Variants in GRIK2 observed in about 807,000 individuals in gnomAD.
The protein encoded by GRIK2 is glutamate receptor ionotropic, kainate 2.
Under a neutral mutation model 100.3 loss-of-function variants are expected in GRIK2, and 32 were observed. That is an observed-to-expected ratio of 0.32 (90% CI 0.24 to 0.43). The LOEUF (loss-of-function observed/expected upper bound fraction) is 0.43. Among genes scored for constraint, GRIK2 ranks in the 20% least tolerant of loss-of-function variants. The pLI is 1.00. For synonymous variants in GRIK2, 417 were observed against 389.4 expected (o/e 1.07, Z -0.83); for missense variants, 843 against 1,114.9 (o/e 0.76, Z 3.47).
chr6:101,586,952 G>T (rs1778404474), intron 2 of GRIK2, among the ~76,000 whole-genome samples: 1 of 149,804 alleles, frequency 6.7e-6, no homozygotes, highest in African/African-American at 2.5e-5. Flanking sequence ...AACCATGTCT[G>T]AGAACCTGAA....
intron 4 of GRIK2, among the ~76,000 whole-genome samples, chr6:101,675,483 A>G (rs982096038): frequency 1.3e-4 from 20 of 152,192 alleles, no homozygotes; most frequent in African/African-American, 4.8e-4. Flanking sequence ...AGATAAGAAG[A>G]AAGAGTAGAA....
intron 8 of GRIK2, among the ~76,000 whole-genome samples, 157 bp downstream of exon 8, chr6:101,799,948 A>G (rs963571483): frequency 2.6e-5 from 4 of 152,166 alleles, no homozygotes; most frequent in Admixed American, 2.6e-4. Context: ...TTTACTAAAT[A>G]ATACCAAATG....
intron 14 of GRIK2, among the ~76,000 whole-genome samples, chr6:102,018,483 C>T (rs536069471): frequency 6.6e-6 from 1 of 152,116 alleles, no homozygotes; most frequent in Admixed American, 6.6e-5. Flanking sequence ...ATAGGTCCTG[C>T]ACCATGACTG....
chr6:101,613,049 T>C (rs192699323), intron 2 of GRIK2, among the ~76,000 whole-genome samples: 2 of 151,914 alleles, frequency 1.3e-5, no homozygotes, highest in East Asian at 3.9e-4. Context: ...GTAGTAGCTA[T>C]AAACTACTGA....
chr6:102,051,437 G>A (rs1350637635), intron 15 of GRIK2, among the ~76,000 whole-genome samples: 1 of 152,084 alleles, frequency 6.6e-6, no homozygotes, highest in Non-Finnish European at 1.5e-5. Context: ...AATTATCAAA[G>A]AAAGTCCCAC....
At chr6:101,634,269 G>A (rs1291806725) in intron 4 of GRIK2, among the ~76,000 whole-genome samples, 1 of 152,106 alleles carries the variant, frequency 6.6e-6, no homozygotes, top group African/African-American at 2.4e-5. Context: ...GTAAGTGGTT[G>A]CCGGGAAGGA....
At chr6:101,716,743 G>T (rs1583013561) in intron 7 of GRIK2, among the ~76,000 whole-genome samples, 1 of 151,688 alleles carries the variant, frequency 6.6e-6, no homozygotes, top group South Asian at 2.1e-4. Flanking sequence ...AGAACTTAAA[G>T]AATAATAATA....
intron 9 of GRIK2, among the ~76,000 whole-genome samples, chr6:101,804,100 C>T (rs1320243568): frequency 6.6e-6 from 1 of 151,418 alleles, no homozygotes; most frequent in Non-Finnish European, 1.5e-5. Context: ...TTCAAAAGAC[C>T]AATAAAAATA....
chr6:102,044,619 C>T (rs1268409936), intron 15 of GRIK2, among the ~76,000 whole-genome samples: 1 of 151,980 alleles, frequency 6.6e-6, no homozygotes, highest in African/African-American at 2.4e-5. Flanking sequence ...CCACATGATT[C>T]AATTGTCTCC....
At chr6:101,760,629 ATTAT>A (rs1777538600) in intron 7 of GRIK2, among the ~76,000 whole-genome samples, 1 of 111,668 alleles carries the variant, frequency 9.0e-6, no homozygotes, top group Non-Finnish European at 1.7e-5. Flanking sequence ...TATATGTTTA[ATTAT>A]ATATAATTAT....
intron 2 of GRIK2, among the ~76,000 whole-genome samples, chr6:101,494,342 A>G (rs1330843340): frequency 6.6e-6 from 1 of 151,598 alleles, no homozygotes; most frequent in Non-Finnish European, 1.5e-5. Context: ...ATCAGTCCAG[A>G]GTGATTGTAG....
chr6:102,040,292 T>C (rs1256105631), intron 15 of GRIK2, among the ~76,000 whole-genome samples: 1 of 151,548 alleles, frequency 6.6e-6, no homozygotes, highest in African/African-American at 2.4e-5. Flanking sequence ...ATTAGAAATA[T>C]TAGGGTATAT....
At chr6:101,992,653 A>G (rs1794439486) in intron 14 of GRIK2, among the ~76,000 whole-genome samples, 1 of 151,650 alleles carries the variant, frequency 6.6e-6, no homozygotes, top group South Asian at 2.1e-4. Flanking sequence ...TAGGAAGGTC[A>G]CAAAATCAGA....
Position 101,447,371 on chromosome 6 carries a change from A to G in GRIK2, c.115+47979A>G, listed in dbSNP as rs1185645061. 2.6e-5 allele frequency among the ~76,000 whole-genome samples: 4 copies of G among 151,820 alleles called. No homozygotes were observed. In the East Asian group the frequency reaches 5.8e-4, roughly 22 times the overall value. Reference sequence around the variant, plus strand: ...TCTGACCCAGTAATTCTAAGTCTACATATTTGCCCTTTGGATAACATCGGT... The same window carrying G: ...TCTGACCCAGTAATTCTAAGTCTACGTATTTGCCCTTTGGATAACATCGGT... On this transcript the variant is annotated intron_variant, in intron 2 of 16. Coordinates refer to ENST00000369134, the MANE Select transcript of GRIK2 (RefSeq NM_021956.5).
intron 4 of GRIK2, among the ~76,000 whole-genome samples, chr6:101,651,128 G>T (rs2128328422): frequency 6.8e-6 from 1 of 148,076 alleles, no homozygotes; most frequent in East Asian, 2.0e-4. Context: ...CCTAGATTAT[G>T]ATCAATTTTC....
chr6:101,962,116 C>T (rs1471863968), intron 14 of GRIK2, among the ~76,000 whole-genome samples: 3 of 152,084 alleles, frequency 2.0e-5, no homozygotes, highest in African/African-American at 4.8e-5. Context: ...GCATAAAGTA[C>T]CCCCATCTAC....
At chr6:101,796,736 T>C (rs1172444300) in intron 7 of GRIK2, among the ~76,000 whole-genome samples, 3 of 152,160 alleles carry the variant, frequency 2.0e-5, no homozygotes, top group Non-Finnish European at 4.4e-5. Flanking sequence ...TTACAGACAG[T>C]AGTCTCACCA....
intron 7 of GRIK2, among the ~76,000 whole-genome samples, chr6:101,791,036 G>A (rs1307633471): frequency 6.6e-6 from 1 of 152,112 alleles, no homozygotes; most frequent in African/African-American, 2.4e-5. Flanking sequence ...TTGTATTTCT[G>A]TGGGATCGGT....
chr6:101,891,250 T>G (rs143948910), intron 12 of GRIK2, among the ~76,000 whole-genome samples: 1,564 of 151,900 alleles, frequency 0.01, 16 homozygotes, highest in East Asian at 0.036. Flanking sequence ...CGGGTGTGGT[T>G]GCTCACGCCT....
Sources: allele counts gnomAD v4.1 joint callset (sites outside exome capture counted in the v4.1 genomes callset), GRCh38; gene constraint gnomAD v4.1.1; transcripts MANE v1.5; gene names NCBI Gene and HGNC (gene_info 2026-07-23, HGNC 2026-07-21).